TGFBRAP1: variants seen among roughly 807,000 people sequenced by gnomAD.
The protein encoded by TGFBRAP1 is transforming growth factor beta receptor associated protein 1.
Under a neutral mutation model 83.2 loss-of-function variants are expected in TGFBRAP1, and 20 were observed. The observed-to-expected ratio is 0.24, with a 90% CI of 0.17 to 0.35. TGFBRAP1 has a LOEUF of 0.35. Ranked by LOEUF, TGFBRAP1 falls within the 10% of genes least tolerant of loss-of-function variation. The probability of loss-of-function intolerance (pLI) is 1.00; values close to 1 mark genes in which losing one functional copy is unlikely to be tolerated. For synonymous variants in TGFBRAP1, 415 were observed against 459.8 expected (o/e 0.90, Z 1.25); for missense variants, 950 against 1,099.4 (o/e 0.86, Z 1.92).
the TGFBRAP1 span, chr2:105,249,757 C>T: frequency 1.3e-5 from 2 of 152,250 alleles, no homozygotes; most frequent in Non-Finnish European, 1.5e-5. Context: ...AGTTTCAATG[C>T]TCTGGCTGTT....
At chr2:105,327,407 A>C (rs1224579446) in intron 1 of TGFBRAP1, 1 of 152,116 alleles carries the variant, frequency 6.6e-6, no homozygotes, top group African/African-American at 2.4e-5. Flanking sequence ...TCTACAAAAA[A>C]AATTTTTTAA....
At chr2:105,273,159 C>T in intron 9 of TGFBRAP1, 145 bp from the exon 10 acceptor site, 1 of 1,023,870 alleles carries the variant, frequency 9.8e-7, no homozygotes, top group South Asian at 1.7e-5. Flanking sequence ...GAAACCCTCT[C>T]AGAAACCATG....
the TGFBRAP1 span, among the ~76,000 whole-genome samples, chr2:105,250,571 T>C: frequency 4.4e-5 from 4 of 91,138 alleles, no homozygotes; most frequent in African/African-American, 1.2e-4. Context: ...AGGCTCCTCC[T>C]CTCCCTCTCC....
intron 4 of TGFBRAP1, among the ~76,000 whole-genome samples, chr2:105,295,680 G>A (rs1459998109): frequency 2.6e-5 from 4 of 151,682 alleles, no homozygotes; most frequent in African/African-American, 9.7e-5. Context: ...GTGTGGTGGC[G>A]GGCGCCTGTA....
chr2:105,328,758 C>T (rs1056875738), intron 1 of TGFBRAP1, among the ~76,000 whole-genome samples: 11 of 152,360 alleles, frequency 7.2e-5, no homozygotes, highest in Admixed American at 4.6e-4. Flanking sequence ...CACAGCTGCG[C>T]GTGCAGTCCA....
Position 105,307,927 on chromosome 2 carries a change from GT to G in TGFBRAP1, c.374del (p.Asn125ThrfsTer5). On this transcript the variant is annotated frameshift_variant, in exon 2 of 12. Coordinates refer to ENST00000393359, the MANE Select transcript of TGFBRAP1 (RefSeq NM_004257.6). LOFTEE classifies it high-confidence loss of function. Reference protein sequence around the residue: ...RIKGAATFALNENPVSGDPFC... With the variant: ...RIKGAATFALXENPVSGDPFC... ...AGGGGTCCCCACTCACAGGGTTCTC[GT>G]TCAGTGCAAACGTGGCTGCCCCCTT... 6.2e-7 allele frequency: 1 copy of G among 1,614,236 alleles called. No individual in the cohort carries two copies. Among genetic ancestry groups the G allele is most frequent in the Non-Finnish European group, 8.5e-7 (1 of 1,180,044 alleles).
In TGFBRAP1 at chr2:105,275,758, G is replaced by A. The variant is rs553383296; in HGVS notation, c.1522-55C>T. The A allele has an allele frequency of 2.0e-6, 3 of 1,538,004 alleles. No homozygotes were observed. The East Asian group carries it at 6.9e-5, about 35-fold the overall frequency. ...AAAGAAAAGAAAAAACAATCATAAA[G>A]GCACATATCTCAGAATTAGTTGAGA... is the stretch of plus-strand genomic sequence containing the variant. On this transcript the variant is annotated intron_variant, in intron 7 of 11. Coordinates refer to ENST00000393359, the MANE Select transcript of TGFBRAP1 (RefSeq NM_004257.6).
chr2:105,328,971 G>A (rs975907518), intron 1 of TGFBRAP1, among the ~76,000 whole-genome samples: 1 of 152,152 alleles, frequency 6.6e-6, no homozygotes, highest in African/African-American at 2.4e-5. Context: ...GAAGGCAATG[G>A]AAAGAAAACA....
intron 5 of TGFBRAP1, among the ~76,000 whole-genome samples, chr2:105,282,287 G>A (rs62154717): frequency 0.13 from 20,053 of 152,184 alleles, 1,677 homozygotes; most frequent in Non-Finnish European, 0.19. Flanking sequence ...CTGATACAAC[G>A]ACAGGGTGCA....
intron 11 of TGFBRAP1, 135 bp from the exon 12 acceptor site, chr2:105,267,694 T>A: frequency 6.8e-7 from 1 of 1,474,516 alleles, no homozygotes. Flanking sequence ...TAATATCAAC[T>A]TCTTGAAATG....
At chr2:105,309,512 T>A (rs368937324) in intron 1 of TGFBRAP1, among the ~76,000 whole-genome samples, 1 of 152,192 alleles carries the variant, frequency 6.6e-6, no homozygotes, top group African/African-American at 2.4e-5. Context: ...GGTTCACGCA[T>A]CAGGGAAGGG....
chr2:105,276,374 C>T (rs1573165381), intron 7 of TGFBRAP1, among the ~76,000 whole-genome samples: 1 of 152,130 alleles, frequency 6.6e-6, no homozygotes, highest in Non-Finnish European at 1.5e-5. Flanking sequence ...TTCTGCAATA[C>T]CTGCATGGCG....
At position 105,294,978 on chromosome 2, in the gene TGFBRAP1, T is replaced by C. The variant is rs17030764; in HGVS notation, c.1038+1378A>G. Among the ~76,000 whole-genome samples the C allele has an allele frequency of 6.5e-3, 987 of 152,034 alleles. 8 individuals carry two copies. Among genetic ancestry groups the C allele is most frequent in the African/African-American group, 0.022 (916 of 41,444 alleles). ...GAGAGGAGAAGGGGCTGAGAGCACA[T>C]GCGGCAGTGGCAGGCCTGGGACTGG... On this transcript the variant is annotated intron_variant, in intron 4 of 11. Coordinates refer to ENST00000393359, the MANE Select transcript of TGFBRAP1 (RefSeq NM_004257.6).
intron 5 of TGFBRAP1, among the ~76,000 whole-genome samples, chr2:105,283,967 C>G (rs1240621671): frequency 6.6e-6 from 1 of 152,144 alleles, no homozygotes; most frequent in African/African-American, 2.4e-5. Context: ...TGGAGAGAAG[C>G]AAGAATGAAC....
At position 105,275,611 on chromosome 2, in the gene TGFBRAP1, G is replaced by A. The variant is rs373261611; in HGVS notation, c.1614C>T (p.Asp538=). Residue 538 remains aspartate, a synonymous_variant, in exon 8 of 12, where the codon GAC becomes GAT. Transcript: ENST00000393359. ...YIVDFLTYCL[D]EELVWAYADW... The stretch of plus-strand genomic sequence containing the variant: ...CAGCATAGGCCCACACTAGTTCCTC[G>A]TCTAAGCAGTAGGTAAGAAAATCCA... 3.7e-5 allele frequency: 59 copies of A among 1,613,974 alleles called. No homozygotes were observed. The highest frequency in any genetic ancestry group is 1.6e-4 in the Middle Eastern group (1 of 6,084).
intron 4 of TGFBRAP1, among the ~76,000 whole-genome samples, chr2:105,286,821 T>C (rs555148580): frequency 2.5e-4 from 38 of 152,330 alleles, no homozygotes; most frequent in Admixed American, 8.5e-4. Flanking sequence ...ATTTGGGGAA[T>C]TGAAAGAAGA....
chr2:105,258,052 CTT>C, the TGFBRAP1 span, among the ~76,000 whole-genome samples: 1 of 152,340 alleles, frequency 6.6e-6, no homozygotes, highest in East Asian at 1.9e-4. Flanking sequence ...AAACACAGTT[CTT>C]GATGAGTCCC....
chr2:105,261,324 T>G (rs1357713317), downstream of TGFBRAP1, among the ~76,000 whole-genome samples: 1 of 152,124 alleles, frequency 6.6e-6, no homozygotes. Context: ...TGAGGTCAGG[T>G]TGGGGATTGG....
At chr2:105,273,981 C>G (rs1055586884) in intron 8 of TGFBRAP1, among the ~76,000 whole-genome samples, 2 of 152,156 alleles carry the variant, frequency 1.3e-5, no homozygotes, top group Non-Finnish European at 2.9e-5. Flanking sequence ...ACACCCCATG[C>G]AAATTGGAAA....
Sources: allele counts gnomAD v4.1 joint callset (sites outside exome capture counted in the v4.1 genomes callset), GRCh38; gene constraint gnomAD v4.1.1; transcripts MANE v1.5; gene names NCBI Gene and HGNC (gene_info 2026-07-23, HGNC 2026-07-21).